The following TTC27 variants were observed in gnomAD, a reference collection of about 807,000 sequenced individuals.
The protein encoded by TTC27 is tetratricopeptide repeat protein 27.
TTC27 carries 79 observed loss-of-function variants against 115.9 expected under a neutral mutation model. The ratio of observed to expected loss-of-function variants is 0.68; its 90% CI spans 0.57 to 0.82. The LOEUF (loss-of-function observed/expected upper bound fraction) is 0.82, where lower values mean the gene tolerates loss of function less well. Ranked by LOEUF, TTC27 falls within the 40% of genes least tolerant of loss-of-function variation. The pLI is 0.00. For missense variants in TTC27, 1,054 were observed against 993.1 expected (o/e 1.06, Z -0.82); for synonymous variants, 401 against 356.0 (o/e 1.13, Z -1.42).
intron 16 of TTC27, among the ~76,000 whole-genome samples, chr2:32,795,374 TGAA>T (rs1670663896): frequency 6.6e-6 from 1 of 151,878 alleles, no homozygotes; most frequent in South Asian, 2.1e-4. Flanking sequence ...CAATTAATGT[TGAA>T]AAAGCATTTG....
intron 9 of TTC27, among the ~76,000 whole-genome samples, chr2:32,680,849 C>T (rs1411313505): frequency 1.3e-5 from 2 of 152,194 alleles, no homozygotes; most frequent in Non-Finnish European, 2.9e-5. Context: ...TACATTCAAA[C>T]AGTTAATTTT....
chr2:32,731,090 G>C (rs1248172833), intron 10 of TTC27, among the ~76,000 whole-genome samples: 1 of 151,866 alleles, frequency 6.6e-6, no homozygotes, highest in African/African-American at 2.4e-5. Flanking sequence ...TTGTGTTTTT[G>C]TTCCTTTGTT....
intron 10 of TTC27, among the ~76,000 whole-genome samples, chr2:32,719,097 C>G (rs1489063494): frequency 6.6e-6 from 1 of 152,150 alleles, no homozygotes; most frequent in East Asian, 1.9e-4. Flanking sequence ...TGAGGAGAAC[C>G]TCCTCTCAGT....
At chr2:32,666,604 G>C in intron 6 of TTC27, 31 bp from the exon 7 acceptor site, 2 of 1,611,228 alleles carry the variant, frequency 1.2e-6, no homozygotes, top group Non-Finnish European at 8.5e-7. Flanking sequence ...TCATGGGTAA[G>C]TCAGTAGATA....
intron 12 of TTC27, among the ~76,000 whole-genome samples, chr2:32,737,347 A>G (rs1668482098): frequency 6.6e-6 from 1 of 152,196 alleles, no homozygotes; most frequent in South Asian, 2.1e-4. Context: ...TTCCCCTCAT[A>G]CATGAACAGA....
intron 9 of TTC27, among the ~76,000 whole-genome samples, chr2:32,696,086 G>A (rs1666975874): frequency 6.9e-6 from 1 of 145,310 alleles, no homozygotes. Context: ...TTGCACCACT[G>A]GCACTCCAGC....
At chr2:32,812,440 G>A in intron 17 of TTC27, 64 bp from the exon 18 acceptor site, 1 of 1,254,722 alleles carries the variant, frequency 8.0e-7, no homozygotes, top group Admixed American at 1.7e-5. Context: ...TGACTTCCAG[G>A]AAACAGAGTT....
At chr2:32,780,155 G>T (rs1670127404) in intron 14 of TTC27, 3 of 444,604 alleles carry the variant, frequency 6.7e-6, no homozygotes, top group Admixed American at 2.4e-5. Context: ...GATAGTTTTG[G>T]CTATTCAGCA....
chr2:32,697,800 G>C (rs1667043952), intron 9 of TTC27, among the ~76,000 whole-genome samples: 1 of 151,890 alleles, frequency 6.6e-6, no homozygotes, highest in Non-Finnish European at 1.5e-5. Flanking sequence ...CACTCAGGCT[G>C]GAGTGCAGTG....
chr2:32,663,490 G>T (rs1665631656), intron 5 of TTC27, among the ~76,000 whole-genome samples: 1 of 152,124 alleles, frequency 6.6e-6, no homozygotes, highest in Non-Finnish European at 1.5e-5. Flanking sequence ...CCCTCCATGG[G>T]CTGCACCCAC....
At chr2:32,762,021 G>A (rs1343551414) in intron 13 of TTC27, among the ~76,000 whole-genome samples, 2 of 152,166 alleles carry the variant, frequency 1.3e-5, no homozygotes, top group Non-Finnish European at 2.9e-5. Flanking sequence ...TTGCACCATG[G>A]CAATCTAGTG....
intron 8 of TTC27, among the ~76,000 whole-genome samples, chr2:32,678,314 T>C (rs1666290403): frequency 6.6e-6 from 1 of 152,062 alleles, no homozygotes; most frequent in Non-Finnish European, 1.5e-5. Flanking sequence ...TCGCATTTTA[T>C]TTGTCAGCAT....
At chr2:32,738,215 G>T (rs545588288) in intron 12 of TTC27, among the ~76,000 whole-genome samples, 5 of 152,224 alleles carry the variant, frequency 3.3e-5, no homozygotes, top group African/African-American at 1.2e-4. Context: ...TCTGGCTGCC[G>T]GTAGTCAAAT....
At chr2:32,677,748 C>T (rs540066903) in intron 8 of TTC27, among the ~76,000 whole-genome samples, 8 of 152,232 alleles carry the variant, frequency 5.3e-5, no homozygotes, top group South Asian at 2.1e-4. Context: ...CCACCGTGCC[C>T]GGCCCAAATT....
chr2:32,798,133 G>A (rs1037365271), intron 16 of TTC27, among the ~76,000 whole-genome samples: 21 of 151,276 alleles, frequency 1.4e-4, no homozygotes, highest in African/African-American at 3.9e-4. Flanking sequence ...TAGGCCAGGC[G>A]CGGTGGCTCA....
chr2:32,738,322 TTA>T (rs1668513415), intron 12 of TTC27, among the ~76,000 whole-genome samples: 1 of 152,242 alleles, frequency 6.6e-6, no homozygotes, highest in Non-Finnish European at 1.5e-5. Context: ...TCTATTTGCC[TTA>T]TAGGTTTTTG....
chr2:32,785,056 A>G (rs1361455378), intron 15 of TTC27, among the ~76,000 whole-genome samples: 2 of 152,188 alleles, frequency 1.3e-5, no homozygotes, highest in Non-Finnish European at 1.5e-5. Context: ...TAACCTTTGT[A>G]TATCTAAAAA....
chr2:32,698,435 G>GTTATTATTATTATTATTATTATTA (rs372830080), intron 9 of TTC27, among the ~76,000 whole-genome samples: 5,743 of 145,402 alleles, frequency 0.039, 182 homozygotes, highest in East Asian at 0.075. Context: ...CAGCCATAAA[G>GTTATTATTATTATTATTATTATTA]TTATTATTAT....
intron 3 of TTC27, 27 bp downstream of exon 3, chr2:32,634,032 AATT>A (rs1166088666): frequency 5.6e-6 from 9 of 1,596,108 alleles, no homozygotes; most frequent in Non-Finnish European, 6.0e-6. Flanking sequence ...TGTTGTATGT[AATT>A]ATTATTATGT....
Sources: gnomAD v4.1 joint callset for allele counts (sites outside exome capture counted in the v4.1 genomes callset) on GRCh38, gnomAD v4.1.1 for gene constraint, MANE v1.5 for transcripts, NCBI Gene and HGNC (gene_info 2026-07-23, HGNC 2026-07-21) for gene names.